Variants in FARS2 observed in about 807,000 individuals in gnomAD.
The protein encoded by FARS2 is phenylalanyl-tRNA synthetase 2, mitochondrial.
Under a neutral mutation model 46.4 loss-of-function variants are expected in FARS2, and 40 were observed. The observed-to-expected ratio is 0.86, with a 90% CI of 0.67 to 1.12. The LOEUF (loss-of-function observed/expected upper bound fraction) is 1.12, where lower values mean the gene tolerates loss of function less well. Among genes scored for constraint, FARS2 ranks in the 50% most tolerant of loss-of-function variants. FARS2 has a pLI of 0.00. For missense variants in FARS2, 513 were observed against 567.9 expected, an observed-to-expected ratio of 0.90 and a Z score of 0.98; for synonymous variants, 234 against 214.9, an observed-to-expected ratio of 1.09 and a Z score of -0.78.
At chr6:5,464,663 C>T (rs1765418485) in intron 4 of FARS2, among the ~76,000 whole-genome samples, 1 of 152,158 alleles carries the variant, frequency 6.6e-6, no homozygotes, top group Non-Finnish European at 1.5e-5. Context: ...TCGTATAGTA[C>T]TGGGACCACA....
At chr6:5,556,790 G>C (rs1044452108) in intron 5 of FARS2, among the ~76,000 whole-genome samples, 5 of 151,984 alleles carry the variant, frequency 3.3e-5, no homozygotes, top group African/African-American at 1.2e-4. Context: ...CAATATCCTT[G>C]TTGCATTTTC....
intron 5 of FARS2, among the ~76,000 whole-genome samples, chr6:5,566,002 G>A (rs1203568397): frequency 3.9e-5 from 6 of 152,158 alleles, no homozygotes; most frequent in African/African-American, 1.2e-4. Context: ...TTGACCATGA[G>A]GTGAAATCTT....
At chr6:5,341,231 A>T (rs1445071644) in intron 1 of FARS2, among the ~76,000 whole-genome samples, 1,345 of 4,932 alleles carry the variant, frequency 0.27, 164 homozygotes, top group African/African-American at 0.39. Context: ...ATATATATAT[A>T]TATATTTTTT....
At chr6:5,260,620 C>T (rs1351659316), upstream of FARS2, 4 of 1,513,072 alleles carry the variant, frequency 2.6e-6, no homozygotes, top group South Asian at 4.8e-5. Context: ...GGCCCCCCGC[C>T]CCCGGCCCCC....
chr6:5,499,024 A>T (rs981244844), intron 4 of FARS2, among the ~76,000 whole-genome samples: 1 of 152,166 alleles, frequency 6.6e-6, no homozygotes, highest in African/African-American at 2.4e-5. Context: ...CAGCCTCCTG[A>T]GTAGCTGGGA....
chr6:5,425,124 A>G (rs1762773163), intron 3 of FARS2, among the ~76,000 whole-genome samples: 1 of 152,206 alleles, frequency 6.6e-6, no homozygotes, highest in Admixed American at 6.5e-5. Flanking sequence ...GGGAAAATCT[A>G]TTTTGAAAAT....
intron 5 of FARS2, among the ~76,000 whole-genome samples, chr6:5,572,499 A>G (rs538262499): frequency 1.2e-4 from 19 of 152,242 alleles, no homozygotes; most frequent in South Asian, 4.2e-4. Flanking sequence ...AACTATATCA[A>G]TGCCTAAAAA....
At chr6:5,640,145 T>TGTGC (rs1472160947) in intron 6 of FARS2, among the ~76,000 whole-genome samples, 1 of 151,174 alleles carries the variant, frequency 6.6e-6, no homozygotes, top group Non-Finnish European at 1.5e-5. Flanking sequence ...GTCAGGTGTG[T>TGTGC]GTGTGTGTGT....
intron 1 of FARS2, among the ~76,000 whole-genome samples, chr6:5,336,728 G>T (rs1771186988): frequency 6.6e-6 from 1 of 151,920 alleles, no homozygotes; most frequent in Non-Finnish European, 1.5e-5. Flanking sequence ...TCAAATAGTA[G>T]GTCTTATTCA....
intron 5 of FARS2, among the ~76,000 whole-genome samples, chr6:5,608,686 C>G (rs1774990009): frequency 6.6e-6 from 1 of 151,974 alleles, no homozygotes; most frequent in Non-Finnish European, 1.5e-5. Context: ...TGGGTAATCC[C>G]TTTTAATGGT....
chr6:5,652,072 G>A (rs755357917), intron 6 of FARS2, among the ~76,000 whole-genome samples: 7 of 152,286 alleles, frequency 4.6e-5, no homozygotes, highest in East Asian at 1.9e-4. Flanking sequence ...AGGAGTCTCC[G>A]CATGCCCACA....
At chr6:5,674,193 TAAAAAAA>T (rs71540878) in intron 6 of FARS2, among the ~76,000 whole-genome samples, 2 of 76,354 alleles carry the variant, frequency 2.6e-5, no homozygotes, top group East Asian at 8.7e-4. Context: ...GCATTCTCAT[TAAAAAAA>T]AAAAAAAAAA....
rs114236486 is a variant in FARS2 at position 5,588,152 on chromosome 6, C to T, written c.1066-25017C>T. ...CTACCCCAAGGCAGCCATATTCCCT[C>T]CTCTTCTTAGTATCTGAACTTAGGG... is the stretch of plus-strand genomic sequence containing the variant. On this transcript the variant is annotated intron_variant, in intron 5 of 6. Coordinates refer to ENST00000274680, the MANE Select transcript of FARS2 (RefSeq NM_006567.5). Among the ~76,000 whole-genome samples the T allele has an allele frequency of 5.4e-3, 818 of 151,966 alleles. 11 individuals carry two copies. The highest frequency in any genetic ancestry group is 0.017 in the African/African-American group (719 of 41,446).
rs138195215 is a variant in FARS2, at chr6:5,604,749, A to G, written c.1066-8420A>G. On this transcript the variant is annotated intron_variant, in intron 5 of 6. Coordinates refer to ENST00000274680, the MANE Select transcript of FARS2 (RefSeq NM_006567.5). ...ACACAGTATATGTACATACATGTAT[A>G]TATCATGTTAGTAAAGTATGATTTT... Among the ~76,000 whole-genome samples the G allele has an allele frequency of 2.0e-5, 3 of 151,198 alleles. No homozygotes were observed. In the East Asian group the frequency reaches 5.8e-4, roughly 29 times the overall value.
At chr6:5,394,827 T>C (rs2127699933) in intron 2 of FARS2, among the ~76,000 whole-genome samples, 1 of 152,286 alleles carries the variant, frequency 6.6e-6, no homozygotes, top group South Asian at 2.1e-4. Flanking sequence ...AAAAGATTTT[T>C]TTTCTTGATG....
chr6:5,447,022 C>T (rs138927777), intron 4 of FARS2, among the ~76,000 whole-genome samples: 95 of 152,170 alleles, frequency 6.2e-4, no homozygotes, highest in African/African-American at 2.1e-3. Flanking sequence ...GGAAGGGCTA[C>T]GAATGCAAAA....
At chr6:5,593,603 G>A (rs1188849473) in intron 5 of FARS2, among the ~76,000 whole-genome samples, 3 of 152,160 alleles carry the variant, frequency 2.0e-5, no homozygotes, top group Non-Finnish European at 2.9e-5. Flanking sequence ...CACACTTTCC[G>A]TGGGAACAAA....
intron 4 of FARS2, among the ~76,000 whole-genome samples, chr6:5,533,166 A>G (rs1769971243): frequency 6.6e-6 from 1 of 152,194 alleles, no homozygotes; most frequent in Non-Finnish European, 1.5e-5. Context: ...TGCCCTGTAT[A>G]CAGTAGAACT....
chr6:5,423,609 G>C (rs1007421462), intron 3 of FARS2, among the ~76,000 whole-genome samples: 13 of 152,112 alleles, frequency 8.5e-5, no homozygotes, highest in African/African-American at 3.1e-4. Flanking sequence ...GAGTCATTGT[G>C]GCTGAAATAG....
Sources: gnomAD v4.1 joint callset for allele counts (sites outside exome capture counted in the v4.1 genomes callset) on GRCh38, gnomAD v4.1.1 for gene constraint, MANE v1.5 for transcripts, NCBI Gene and HGNC (gene_info 2026-07-23, HGNC 2026-07-21) for gene names.